RAD51B: variants seen among roughly 807,000 people sequenced by gnomAD.
RAD51B encodes the protein DNA repair protein RAD51 homolog 2.
A neutral mutation model predicts 42.2 loss-of-function variants in RAD51B; 38 were observed. The ratio of observed to expected loss-of-function variants is 0.90; its 90% confidence interval spans 0.70 to 1.18. The LOEUF is 1.18. RAD51B is among the 50% of genes most tolerant of loss of function. The probability of loss-of-function intolerance (pLI) is 0.00; values close to 1 mark genes in which losing one functional copy is unlikely to be tolerated. For missense variants in RAD51B, 373 were observed against 400.7 expected, an observed-to-expected ratio of 0.93 and a Z score of 0.59; for synonymous variants, 154 against 145.2, an observed-to-expected ratio of 1.06 and a Z score of -0.43.
intron 8 of RAD51B, among the ~76,000 whole-genome samples, chr14:68,309,037 T>C (rs116030932): frequency 0.017 from 2,573 of 152,282 alleles, 86 homozygotes; most frequent in African/African-American, 0.059. Flanking sequence ...TATGAACATA[T>C]CTTTGATGCA....
chr14:67,916,032 A>G (rs567544763), intron 7 of RAD51B, among the ~76,000 whole-genome samples: 1 of 152,328 alleles, frequency 6.6e-6, no homozygotes, highest in South Asian at 2.1e-4. Context: ...CCACAAAGGC[A>G]TGCCCTGCTA....
At chr14:67,890,507 A>G (rs1002239840) in intron 7 of RAD51B, among the ~76,000 whole-genome samples, 1 of 151,936 alleles carries the variant, frequency 6.6e-6, no homozygotes, top group African/African-American at 2.4e-5. Flanking sequence ...CATGTGCACA[A>G]TGTGCAGGTT....
At chr14:67,945,137 T>G (rs979254017) in intron 7 of RAD51B, among the ~76,000 whole-genome samples, 3 of 152,218 alleles carry the variant, frequency 2.0e-5, no homozygotes, top group African/African-American at 7.2e-5. Flanking sequence ...AATCTGGCTA[T>G]ACTATAATGT....
intron 7 of RAD51B, among the ~76,000 whole-genome samples, chr14:68,099,642 G>GA (rs1042038954): frequency 3.8e-4 from 58 of 150,710 alleles, no homozygotes; most frequent in Middle Eastern, 3.4e-3. Flanking sequence ...AGTCCAAAGA[G>GA]AAAAAAAAAG....
intron 8 of RAD51B, among the ~76,000 whole-genome samples, chr14:68,329,103 G>A (rs1001849877): frequency 2.0e-5 from 3 of 152,100 alleles, no homozygotes; most frequent in African/African-American, 7.2e-5. Flanking sequence ...CACACTCCTA[G>A]GCTCAAGTGA....
chr14:67,934,614 T>G (rs1346636329), intron 7 of RAD51B, among the ~76,000 whole-genome samples: 1 of 152,220 alleles, frequency 6.6e-6, no homozygotes, highest in Non-Finnish European at 1.5e-5. Context: ...CTGTAGAGTA[T>G]GTTAAATAAT....
chr14:68,575,634 A>G, intron 10 of RAD51B, among the ~76,000 whole-genome samples: 1 of 152,050 alleles, frequency 6.6e-6, no homozygotes, highest in East Asian at 1.9e-4. Context: ...GATTCTCCCA[A>G]TGAGGAAGGC....
At chr14:68,036,841 T>A (rs929390495) in intron 7 of RAD51B, among the ~76,000 whole-genome samples, 7 of 152,184 alleles carry the variant, frequency 4.6e-5, no homozygotes, top group Non-Finnish European at 7.4e-5. Flanking sequence ...TAAAGTTTTT[T>A]AAAAACTAAC....
intron 10 of RAD51B, among the ~76,000 whole-genome samples, chr14:68,567,759 G>A (rs1889495363): frequency 6.6e-6 from 1 of 152,178 alleles, no homozygotes; most frequent in African/African-American, 2.4e-5. Flanking sequence ...CCTCTTCCCA[G>A]GATCCTTGCT....
At chr14:67,850,170 A>G (rs2041757373) in intron 4 of RAD51B, among the ~76,000 whole-genome samples, 1 of 152,010 alleles carries the variant, frequency 6.6e-6, no homozygotes, top group Non-Finnish European at 1.5e-5. Context: ...TAATTTTTTA[A>G]TTATTTGTAT....
chr14:67,962,912 C>T lies in RAD51B; in HGVS notation c.756+75708C>T, dbSNP rs1282373149. On this transcript the variant is annotated intron_variant, in intron 7 of 10. Coordinates refer to ENST00000471583, the MANE Select transcript of RAD51B (RefSeq NM_133510.4). Reference sequence around the variant, plus strand: ...GAAATGGGAATGAGAGATTATTAATCTTATTCATAGCAACAATTCAATCAG... The same window carrying T: ...GAAATGGGAATGAGAGATTATTAATTTTATTCATAGCAACAATTCAATCAG... Among the ~76,000 whole-genome samples, 3 of 152,102 alleles carry T rather than the reference C, an allele frequency of 2.0e-5. No homozygotes were observed. The East Asian group carries it at 5.8e-4, about 29-fold the overall frequency.
At chr14:68,052,661 C>T (rs1393459044) in intron 7 of RAD51B, among the ~76,000 whole-genome samples, 1 of 151,678 alleles carries the variant, frequency 6.6e-6, no homozygotes, top group Non-Finnish European at 1.5e-5. Flanking sequence ...CACTCTGTTG[C>T]CCAGGCTGGA....
At chr14:68,227,185 T>C (rs2080055669) in intron 7 of RAD51B, among the ~76,000 whole-genome samples, 1 of 152,206 alleles carries the variant, frequency 6.6e-6, no homozygotes, top group Admixed American at 6.5e-5. Context: ...TTGGAGTCAC[T>C]TCTGGCTTTG....
chr14:67,968,913 C>T (rs528378210), intron 7 of RAD51B, among the ~76,000 whole-genome samples: 71 of 152,190 alleles, frequency 4.7e-4, no homozygotes, highest in African/African-American at 1.6e-3. Context: ...ATACCTGAGA[C>T]TGGGAAGAAA....
downstream of RAD51B, among the ~76,000 whole-genome samples, chr14:68,596,604 C>A (rs1891009228): frequency 6.6e-6 from 1 of 152,042 alleles, no homozygotes; most frequent in South Asian, 2.1e-4. Context: ...AATGAGTGGA[C>A]GAAGGGAGTA....
At chr14:68,339,344 C>T in intron 8 of RAD51B, 1 of 1,031,002 alleles carries the variant, frequency 9.7e-7, no homozygotes, top group Non-Finnish European at 1.5e-6. Context: ...GCCGCTGCAA[C>T]CTGATATAGT....
At chr14:68,583,385 T>G (rs763523140) in intron 10 of RAD51B, among the ~76,000 whole-genome samples, 1 of 152,166 alleles carries the variant, frequency 6.6e-6, no homozygotes, top group Non-Finnish European at 1.5e-5. Flanking sequence ...CCCACATACT[T>G]TTGGGGGTCC....
At chr14:68,174,266 G>T (rs1438242862) in intron 7 of RAD51B, among the ~76,000 whole-genome samples, 1 of 151,992 alleles carries the variant, frequency 6.6e-6, no homozygotes, top group Non-Finnish European at 1.5e-5. Context: ...TAAGCCTATA[G>T]TGCCAGCTAC....
intron 7 of RAD51B, among the ~76,000 whole-genome samples, chr14:68,103,572 TATA>T (rs1253543670): frequency 2.0e-5 from 3 of 152,222 alleles, no homozygotes; most frequent in Non-Finnish European, 4.4e-5. Context: ...ACTATTTCGT[TATA>T]ATGTTTATGT....
Sources: allele counts gnomAD v4.1 joint callset (sites outside exome capture counted in the v4.1 genomes callset), GRCh38; gene constraint gnomAD v4.1.1; transcripts MANE v1.5; gene names NCBI Gene and HGNC (gene_info 2026-07-23, HGNC 2026-07-21).